Variants in AFF3 observed in about 807,000 individuals in gnomAD.
The protein encoded by AFF3 is AF4/FMR2 family member 3.
In AFF3, 32 loss-of-function variants were observed where a neutral mutation model predicts 129.7. That is an observed-to-expected ratio of 0.25 (90% CI 0.19 to 0.33). AFF3 has a LOEUF of 0.33. Among genes scored for constraint, AFF3 ranks in the 10% least tolerant of loss-of-function variants. AFF3 has a pLI of 1.00. For synonymous variants in AFF3, 644 were observed against 635.4 expected, an observed-to-expected ratio of 1.01 and a Z score of -0.20; for missense variants, 1,373 against 1,592.0, an observed-to-expected ratio of 0.86 and a Z score of 2.34.
At chr2:99,668,095 T>C (rs1686836032) in intron 12 of AFF3, among the ~76,000 whole-genome samples, 1 of 151,914 alleles carries the variant, frequency 6.6e-6, no homozygotes, top group Non-Finnish European at 1.5e-5. Flanking sequence ...GAGGCAGAGC[T>C]TGCAGTGAGC....
At chr2:99,594,584 T>A (rs917407723) in intron 14 of AFF3, among the ~76,000 whole-genome samples, 4 of 152,182 alleles carry the variant, frequency 2.6e-5, no homozygotes, top group African/African-American at 9.7e-5. Context: ...CCTAGTACTT[T>A]TGAGTGTTAG....
At chr2:99,982,184 T>C (rs1178164589) in intron 7 of AFF3, among the ~76,000 whole-genome samples, 4 of 152,158 alleles carry the variant, frequency 2.6e-5, no homozygotes, top group African/African-American at 4.8e-5. Flanking sequence ...CCAAATCTCA[T>C]GTTGTAGATT....
intron 4 of AFF3, among the ~76,000 whole-genome samples, chr2:100,011,172 G>T (rs994509343): frequency 1.3e-5 from 2 of 152,156 alleles, no homozygotes; most frequent in African/African-American, 4.8e-5. Flanking sequence ...TACTCGGGAG[G>T]CTGAGGCAGG....
chr2:99,551,624 T>A, intron 24 of AFF3, 29 bp from the exon 25 acceptor site: 1 of 1,613,564 alleles, frequency 6.2e-7, no homozygotes, highest in African/African-American at 1.3e-5. Context: ...TTGTTAAGAA[T>A]GCCACACATG....
chr2:99,575,619 G>A (rs993703792), intron 18 of AFF3, among the ~76,000 whole-genome samples: 5 of 152,100 alleles, frequency 3.3e-5, no homozygotes, highest in African/African-American at 1.2e-4. Flanking sequence ...CGATGGTTGA[G>A]TGGCTGTTTG....
At chr2:99,622,004 A>G (rs1313299917) in intron 13 of AFF3, among the ~76,000 whole-genome samples, 2 of 152,212 alleles carry the variant, frequency 1.3e-5, no homozygotes. Flanking sequence ...GATAAGGAAG[A>G]GAGCTGAAAA....
Position 99,767,844 on chromosome 2 carries a change from C to G in AFF3, c.922-15543G>C, listed in dbSNP as rs531770760. On this transcript the variant is annotated intron_variant, in intron 8 of 24. Transcript: ENST00000672756. ...CCTGTAGTCCCAGCTACTCAGGAGG[C>G]TGAGGCAGGAGAATAGCATGAACCC... Among the ~76,000 whole-genome samples, 10 of 152,294 alleles carry G rather than the reference C, an allele frequency of 6.6e-5. No individual in the cohort carries two copies. In the South Asian group the frequency reaches 2.1e-3, roughly 32 times the overall value.
chr2:100,047,256 A>G (rs1685912045), intron 4 of AFF3, among the ~76,000 whole-genome samples: 1 of 152,214 alleles, frequency 6.6e-6, no homozygotes, highest in African/African-American at 2.4e-5. Context: ...ACATGTGCCC[A>G]ATGTACTTTA....
At chr2:99,892,738 C>G (rs1232963838) in intron 7 of AFF3, among the ~76,000 whole-genome samples, 1 of 152,224 alleles carries the variant, frequency 6.6e-6, no homozygotes, top group Admixed American at 6.5e-5. Context: ...CTCAGGGGCT[C>G]TGCTTCCTGC....
intron 8 of AFF3, among the ~76,000 whole-genome samples, chr2:99,819,662 T>C (rs1263555186): frequency 2.6e-5 from 4 of 152,222 alleles, no homozygotes; most frequent in African/African-American, 4.8e-5. Context: ...ATGAGAACAG[T>C]AGCTTTTTTC....
chr2:99,977,187 T>TC (rs1678979972), intron 7 of AFF3, among the ~76,000 whole-genome samples: 1 of 152,152 alleles, frequency 6.6e-6, no homozygotes, highest in East Asian at 1.9e-4. Flanking sequence ...CCACTGATGG[T>TC]CCCTTCAGGC....
chr2:99,797,221 A>G (rs889099420), intron 8 of AFF3, among the ~76,000 whole-genome samples: 6 of 152,240 alleles, frequency 3.9e-5, no homozygotes, highest in African/African-American at 1.4e-4. Flanking sequence ...ATGTATGTCC[A>G]AAAAGTTAAG....
intron 7 of AFF3, among the ~76,000 whole-genome samples, chr2:99,962,444 A>G (rs928485242): frequency 1.3e-5 from 2 of 152,222 alleles, no homozygotes; most frequent in Non-Finnish European, 1.5e-5. Context: ...CAATGCTGAG[A>G]TGATCAGTGT....
At chr2:99,561,350 T>G (rs970712926) in intron 20 of AFF3, among the ~76,000 whole-genome samples, 5 of 152,252 alleles carry the variant, frequency 3.3e-5, no homozygotes, top group Non-Finnish European at 7.3e-5. Context: ...TGCAGACTTG[T>G]AGCATTTTTC....
chr2:99,904,632 C>T (rs1694579456), intron 7 of AFF3, among the ~76,000 whole-genome samples: 1 of 152,074 alleles, frequency 6.6e-6, no homozygotes, highest in Non-Finnish European at 1.5e-5. Flanking sequence ...ATATGCTTTT[C>T]AGGGAGGGCA....
At chr2:99,689,310 C>T (rs1675370266) in intron 11 of AFF3, among the ~76,000 whole-genome samples, 2 of 152,108 alleles carry the variant, frequency 1.3e-5, no homozygotes, top group African/African-American at 4.8e-5. Context: ...CTGGTCCCAG[C>T]CCTGTAACTC....
chr2:99,810,905 A>G (rs1332550055), intron 8 of AFF3, among the ~76,000 whole-genome samples: 1 of 152,140 alleles, frequency 6.6e-6, no homozygotes, highest in East Asian at 1.9e-4. Context: ...ACACTGGACA[A>G]GTCTTTCTGA....
At chr2:99,606,710 C>T (rs1558637344) in intron 13 of AFF3, among the ~76,000 whole-genome samples, 1 of 151,622 alleles carries the variant, frequency 6.6e-6, no homozygotes, top group Non-Finnish European at 1.5e-5. Flanking sequence ...GAAGTCAGAT[C>T]AAGACCATCC....
intron 7 of AFF3, among the ~76,000 whole-genome samples, chr2:99,933,366 A>G (rs1005460389): frequency 6.6e-6 from 1 of 152,128 alleles, no homozygotes; most frequent in Admixed American, 6.6e-5. Context: ...ACACGTGCAG[A>G]ACATGCAGGT....
Sources: allele counts gnomAD v4.1 joint callset (sites outside exome capture counted in the v4.1 genomes callset), GRCh38; gene constraint gnomAD v4.1.1; transcripts MANE v1.5; gene names NCBI Gene and HGNC (gene_info 2026-07-23, HGNC 2026-07-21).